The following RELN variants were observed in gnomAD, a reference collection of about 807,000 sequenced individuals.
RELN encodes the protein reelin.
Under a neutral mutation model 427.6 loss-of-function variants are expected in RELN, and 108 were observed. The observed-to-expected ratio is 0.25, with a 90% CI of 0.22 to 0.30. The LOEUF is 0.30. RELN is among the 10% of genes least tolerant of loss of function. RELN has a pLI of 1.00. For missense variants in RELN, 3,715 were observed against 4,302.8 expected (o/e 0.86, Z 3.82); for synonymous variants, 1,524 against 1,513.4 (o/e 1.01, Z -0.16).
At position 103,522,160 on chromosome 7, in the gene RELN, G is replaced by A. The variant is rs2075038; in HGVS notation, c.7530C>T (p.Pro2510=). 67,759 of 1,613,916 alleles carry A rather than the reference G, an allele frequency of 0.042. 2,145 individuals carry two copies. The highest frequency in any genetic ancestry group is 0.14 in the South Asian group (13,101 of 91,040). Reference sequence around the variant, plus strand: ...TGAGTTGGGTTGGAAGAGAGGTCTCGGGGTCATCACAGTACAGGCCACCCC... The same window carrying A: ...TGAGTTGGGTTGGAAGAGAGGTCTCAGGGTCATCACAGTACAGGCCACCCC... ...EQWGGLYCDD[P]ETSLPTQLKD... is the part of the protein sequence containing the mutation. Residue 2510 remains proline (P), a synonymous_variant, in exon 48 of 65, where the codon CCC becomes CCT. Coordinates refer to ENST00000428762, the MANE Select transcript of RELN (RefSeq NM_005045.4).
At chr7:103,752,370 G>C (rs1562991493) in intron 5 of RELN, among the ~76,000 whole-genome samples, 1 of 152,100 alleles carries the variant, frequency 6.6e-6, no homozygotes, top group Non-Finnish European at 1.5e-5. Context: ...AAAATCCATG[G>C]TGCCATTTTA....
intron 1 of RELN, among the ~76,000 whole-genome samples, chr7:103,986,053 A>C (rs1244993826): frequency 2.0e-5 from 3 of 152,204 alleles, no homozygotes; most frequent in African/African-American, 7.2e-5. Flanking sequence ...TTGTGCAAAA[A>C]AAAAGGAAAT....
At chr7:103,793,096 A>G (rs1030896956) in intron 3 of RELN, among the ~76,000 whole-genome samples, 3 of 152,194 alleles carry the variant, frequency 2.0e-5, no homozygotes, top group Non-Finnish European at 4.4e-5. Context: ...CAATTGAACC[A>G]AAGTTGAATT....
rs145368459 is a variant in RELN at position 103,960,313 on chromosome 7, G to A, written c.226+28818C>T. On this transcript the variant is annotated intron_variant, in intron 1 of 64. Coordinates refer to ENST00000428762, the MANE Select transcript of RELN (RefSeq NM_005045.4). ...GGCAGTTTCCTATATGTTTATGGTT[G>A]CTTCTGGCTGGAAAAACTCTTGCTC... Among the ~76,000 whole-genome samples the A allele has an allele frequency of 2.9e-3, 441 of 152,222 alleles. 1 individual carries two copies. Among genetic ancestry groups the A allele is most frequent in the African/African-American group, 9.8e-3 (408 of 41,530 alleles).
chr7:103,647,465 A>T (rs1832820508), intron 16 of RELN, among the ~76,000 whole-genome samples: 1 of 151,792 alleles, frequency 6.6e-6, no homozygotes. Context: ...ATAGCTACAA[A>T]CAAAATACCT....
At chr7:103,580,563 T>C (rs1304471582) in intron 28 of RELN, among the ~76,000 whole-genome samples, 2 of 152,212 alleles carry the variant, frequency 1.3e-5, no homozygotes, top group Non-Finnish European at 2.9e-5. Context: ...CAGGTGTGTA[T>C]ATATTTAATT....
Position 103,874,017 on chromosome 7 carries a change from T to A in RELN, c.338-40345A>T, listed in dbSNP as rs911429354. On this transcript the variant is annotated intron_variant, in intron 2 of 64. Transcript: ENST00000428762. ...AAAAAGCTTATCCACCATGATCAAG[T>A]GGGCTTCATCCCTGGGATGCAAGGC... Among the ~76,000 whole-genome samples, 77 of 145,112 alleles carry A rather than the reference T, an allele frequency of 5.3e-4. 2 individuals are homozygous for A. Among genetic ancestry groups the A allele is most frequent in the African/African-American group, 1.7e-3 (71 of 40,680 alleles).
chr7:103,671,467 C>T (rs1231448950), intron 11 of RELN, among the ~76,000 whole-genome samples: 1 of 152,024 alleles, frequency 6.6e-6, no homozygotes, highest in Non-Finnish European at 1.5e-5. Context: ...ACTAATATAA[C>T]CTAGACTAGA....
intron 1 of RELN, among the ~76,000 whole-genome samples, chr7:103,945,026 G>C (rs1340600653): frequency 6.6e-6 from 1 of 152,158 alleles, no homozygotes; most frequent in Non-Finnish European, 1.5e-5. Flanking sequence ...TGTCCTTGTA[G>C]TTCTACCTGG....
At chr7:103,498,776 G>A (rs553897740) in intron 53 of RELN, among the ~76,000 whole-genome samples, 1 of 152,204 alleles carries the variant, frequency 6.6e-6, no homozygotes, top group East Asian at 1.9e-4. Flanking sequence ...ACAGGTGTGA[G>A]CCACCATGCC....
At chr7:103,839,671 G>A (rs1174787095) in intron 2 of RELN, among the ~76,000 whole-genome samples, 1 of 152,064 alleles carries the variant, frequency 6.6e-6, no homozygotes, top group South Asian at 2.1e-4. Context: ...TTATTAATAA[G>A]GACAATTATA....
At chr7:103,785,868 G>T (rs553824773) in intron 3 of RELN, among the ~76,000 whole-genome samples, 2 of 151,972 alleles carry the variant, frequency 1.3e-5, no homozygotes, top group East Asian at 3.9e-4. Flanking sequence ...AATTAAAGGA[G>T]CACATTCTAT....
chr7:103,762,740 A>G (rs1328527157), intron 4 of RELN, among the ~76,000 whole-genome samples: 3 of 152,152 alleles, frequency 2.0e-5, no homozygotes, highest in Admixed American at 2.0e-4. Flanking sequence ...TACATATGTC[A>G]TCTTCTTCCT....
At chr7:103,948,936 G>A (rs949975523) in intron 1 of RELN, among the ~76,000 whole-genome samples, 3 of 148,728 alleles carry the variant, frequency 2.0e-5, no homozygotes, top group African/African-American at 7.5e-5. Context: ...GATCAATTGA[G>A]CCTGGGCAGA....
intron 1 of RELN, among the ~76,000 whole-genome samples, chr7:103,932,529 T>C (rs1435223174): frequency 1.3e-5 from 2 of 152,172 alleles, no homozygotes; most frequent in African/African-American, 2.4e-5. Context: ...CGTGTACCCC[T>C]GAACCTAAAA....
At chr7:103,913,305 A>G (rs1201645791) in intron 2 of RELN, among the ~76,000 whole-genome samples, 2 of 152,200 alleles carry the variant, frequency 1.3e-5, no homozygotes, top group Non-Finnish European at 1.5e-5. Flanking sequence ...CAAGTAGGAA[A>G]AAAACTTTCA....
chr7:103,628,470 T>C (rs1832378461), intron 20 of RELN: 1 of 152,228 alleles, frequency 6.6e-6, no homozygotes, highest in Non-Finnish European at 1.5e-5. Flanking sequence ...TTTCATTCTA[T>C]CCAGTTTGAC....
At chr7:103,796,680 C>T (rs765182713) in intron 3 of RELN, among the ~76,000 whole-genome samples, 1 of 151,828 alleles carries the variant, frequency 6.6e-6, no homozygotes, top group Non-Finnish European at 1.5e-5. Flanking sequence ...GGCCAACATG[C>T]CAAAAACCTG....
At chr7:103,867,654 T>C (rs1038038869) in intron 2 of RELN, among the ~76,000 whole-genome samples, 4 of 152,080 alleles carry the variant, frequency 2.6e-5, no homozygotes, top group African/African-American at 7.2e-5. Flanking sequence ...TACCTTTAAA[T>C]ATGCTATTTA....
Sources: allele counts gnomAD v4.1 joint callset (sites outside exome capture counted in the v4.1 genomes callset), GRCh38; gene constraint gnomAD v4.1.1; transcripts MANE v1.5; gene names NCBI Gene and HGNC (gene_info 2026-07-23, HGNC 2026-07-21).